The following FKBP1B variants were observed in gnomAD, a reference collection of about 807,000 sequenced individuals.
FKBP1B encodes the protein FKBP prolyl isomerase 1B.
Under a neutral mutation model 13.5 loss-of-function variants are expected in FKBP1B, and 4 were observed. That is an observed-to-expected ratio of 0.30 (90% CI 0.15 to 0.68). The LOEUF (loss-of-function observed/expected upper bound fraction) is 0.68. Among genes scored for constraint, FKBP1B ranks in the 30% least tolerant of loss-of-function variants. The pLI is 0.76. For missense variants in FKBP1B, 93 were observed against 136.2 expected, an observed-to-expected ratio of 0.68 and a Z score of 1.58; for synonymous variants, 54 against 53.6, an observed-to-expected ratio of 1.01 and a Z score of -0.03.
chr2:24,045,656 AGGGGGAGGG>A (rs1663598888), upstream of FKBP1B, among the ~76,000 whole-genome samples: 3 of 116,796 alleles, frequency 2.6e-5, no homozygotes, highest in Admixed American at 9.2e-5. Context: ...GAAGGAAGGA[AGGGGGAGGG>A]GGAGGGAAGG....
At chr2:24,059,760 T>C (rs1222593912) in intron 2 of FKBP1B, among the ~76,000 whole-genome samples, 1 of 151,798 alleles carries the variant, frequency 6.6e-6, no homozygotes, top group East Asian at 1.9e-4. Flanking sequence ...GCAGGCATAG[T>C]GGCAGGTACC....
At chr2:24,036,390 T>C in the FKBP1B span, among the ~76,000 whole-genome samples, 1 of 151,554 alleles carries the variant, frequency 6.6e-6, no homozygotes, top group Non-Finnish European at 1.5e-5. Flanking sequence ...GCTTGTAGTC[T>C]CAGCTGCTCA....
the FKBP1B span, among the ~76,000 whole-genome samples, chr2:24,043,110 G>A: frequency 6.6e-6 from 1 of 152,080 alleles, no homozygotes; most frequent in East Asian, 1.9e-4. Context: ...AAGGCGGGTG[G>A]ATCACCTGAG....
the FKBP1B span, among the ~76,000 whole-genome samples, chr2:24,034,667 C>T: frequency 6.6e-6 from 1 of 151,014 alleles, no homozygotes; most frequent in Non-Finnish European, 1.5e-5. Context: ...TCAACCTCCT[C>T]AGCTTAGGTG....
At chr2:24,043,609 CCACT>C in the FKBP1B span, among the ~76,000 whole-genome samples, 1 of 152,168 alleles carries the variant, frequency 6.6e-6, no homozygotes, top group African/African-American at 2.4e-5. Flanking sequence ...ATATTTTTCA[CCACT>C]CACTCTCTTC....
chr2:24,038,816 T>C, the FKBP1B span: 1 of 1,614,234 alleles, frequency 6.2e-7, no homozygotes, highest in East Asian at 2.2e-5. Context: ...CCACAGATCT[T>C]ATCCAATGGA....
intron 2 of FKBP1B, among the ~76,000 whole-genome samples, chr2:24,059,819 C>T (rs1379794372): frequency 7.1e-6 from 1 of 140,974 alleles, no homozygotes; most frequent in African/African-American, 2.6e-5. Context: ...CCCTTGAACC[C>T]GGGAGGCGGA....
the FKBP1B span, chr2:24,037,578 CAGTT>C: frequency 7.7e-7 from 1 of 1,304,440 alleles, no homozygotes; most frequent in Non-Finnish European, 1.0e-6. Flanking sequence ...TAGTGAAGCT[CAGTT>C]AGAGCACCAT....
chr2:24,035,519 T>TA, the FKBP1B span, among the ~76,000 whole-genome samples: 3 of 151,894 alleles, frequency 2.0e-5, no homozygotes, highest in African/African-American at 4.8e-5. Context: ...AATTACCTAT[T>TA]AAAAAAAGAC....
chr2:24,039,598 C>G, the FKBP1B span: 10 of 1,202,378 alleles, frequency 8.3e-6, no homozygotes, highest in Non-Finnish European at 1.2e-5. Flanking sequence ...ACGGCTTAGC[C>G]CCTTCCCAGG....
Position 24,050,344 on chromosome 2 carries a change from C to T in FKBP1B, c.37+458C>T, listed in dbSNP as rs1281057064. ...GCCGGGCCTCCCCTCGGTCGCTTCCCTGCGGGCCGGGCTGTGAGCGGCTGT... is the reference window on the plus strand; with the variant it reads ...GCCGGGCCTCCCCTCGGTCGCTTCCTTGCGGGCCGGGCTGTGAGCGGCTGT... On this transcript the variant is annotated intron_variant, in intron 1 of 3. Coordinates refer to ENST00000380986, the MANE Select transcript of FKBP1B (RefSeq NM_004116.5). The surrounding 1 kb of genome is among the most constrained non-coding windows in gnomAD (Gnocchi z 5.8). 2.0e-5 allele frequency among the ~76,000 whole-genome samples: 3 copies of T among 152,212 alleles called. No individual in the cohort carries two copies. Among genetic ancestry groups the T allele is most frequent in the East Asian group, 1.9e-4 (1 of 5,186 alleles).
chr2:24,042,192 A>T, the FKBP1B span, among the ~76,000 whole-genome samples: 2 of 151,880 alleles, frequency 1.3e-5, no homozygotes, highest in African/African-American at 4.8e-5. Context: ...ACGTGAGGTC[A>T]GGAGCTCAAA....
At chr2:24,037,305 G>A in the FKBP1B span, among the ~76,000 whole-genome samples, 2 of 152,248 alleles carry the variant, frequency 1.3e-5, no homozygotes, top group East Asian at 3.8e-4. Flanking sequence ...TTACAGGCGT[G>A]AGCCATGGAG....
chr2:24,041,989 A>C, the FKBP1B span, among the ~76,000 whole-genome samples: 1 of 152,224 alleles, frequency 6.6e-6, no homozygotes, highest in Non-Finnish European at 1.5e-5. Flanking sequence ...ATGTAAAATG[A>C]AAAACTGCCT....
chr2:24,062,825 A>G (rs1664456767), intron 3 of FKBP1B, among the ~76,000 whole-genome samples: 1 of 152,242 alleles, frequency 6.6e-6, no homozygotes, highest in South Asian at 2.1e-4. Flanking sequence ...TGTCAGATGC[A>G]TGAATTTGAG....
upstream of FKBP1B, among the ~76,000 whole-genome samples, chr2:24,047,964 T>G (rs1201314372): frequency 6.6e-6 from 1 of 152,124 alleles, no homozygotes; most frequent in Non-Finnish European, 1.5e-5. Flanking sequence ...CAATCATCTT[T>G]CTTTAACAAC....
the FKBP1B span, chr2:24,037,963 A>G: frequency 3.7e-6 from 6 of 1,614,090 alleles, no homozygotes; most frequent in African/African-American, 1.3e-5. Context: ...ATCTAGAGCT[A>G]TGGAGCCATC....
the FKBP1B span, chr2:24,039,020 T>C: frequency 6.2e-7 from 1 of 1,614,192 alleles, no homozygotes; most frequent in Non-Finnish European, 8.5e-7. Context: ...GCACAGTGAA[T>C]GCGGCCCTGG....
chr2:24,054,116 G>T, intron 2 of FKBP1B, 167 bp downstream of exon 2: 1 of 734,978 alleles, frequency 1.4e-6, no homozygotes, highest in East Asian at 2.7e-5. Context: ...AGTCTAGTGG[G>T]AATGATAAAG....
Sources: gnomAD v4.1 joint callset for allele counts (sites outside exome capture counted in the v4.1 genomes callset) on GRCh38, gnomAD v4.1.1 for gene constraint, Gnocchi (gnomAD v3.1) non-coding constraint, MANE v1.5 for transcripts, NCBI Gene and HGNC (gene_info 2026-07-23, HGNC 2026-07-21) for gene names.